SHROOM3: variants seen among roughly 807,000 people sequenced by gnomAD.
SHROOM3 encodes shroom family member 3.
SHROOM3 carries 47 observed loss-of-function variants against 138.6 expected under a neutral mutation model. That is an observed-to-expected ratio of 0.34 (90% confidence interval 0.27 to 0.43). The LOEUF (loss-of-function observed/expected upper bound fraction) is 0.43. SHROOM3 is among the 20% of genes least tolerant of loss of function. The probability of loss-of-function intolerance (pLI) is 1.00; values close to 1 mark genes in which losing one functional copy is unlikely to be tolerated. For missense variants in SHROOM3, 2,491 were observed against 2,596.5 expected (o/e 0.96, Z 0.88); for synonymous variants, 1,062 against 1,063.3 (o/e 1.00, Z 0.02).
intron 1 of SHROOM3, among the ~76,000 whole-genome samples, chr4:76,528,393 G>C (rs1216562018): frequency 7.0e-6 from 1 of 143,688 alleles, no homozygotes; most frequent in Non-Finnish European, 1.5e-5. Flanking sequence ...ATGTTGCCCA[G>C]GATGTACTTG....
chr4:76,672,419 C>CAAAAAAAAAAA (rs35488837), intron 2 of SHROOM3, among the ~76,000 whole-genome samples: 1 of 127,278 alleles, frequency 7.9e-6, no homozygotes, highest in Non-Finnish European at 1.7e-5. Flanking sequence ...AATTAGGGAC[C>CAAAAAAAAAAA]AAAAAAAAAA....
chr4:76,662,877 A>G (rs985536167), intron 2 of SHROOM3, among the ~76,000 whole-genome samples: 1 of 151,256 alleles, frequency 6.6e-6, no homozygotes, highest in African/African-American at 2.4e-5. Flanking sequence ...GCAAGACCCT[A>G]TCTGAGGGAG....
chr4:76,497,626 G>A (rs1442789507), intron 1 of SHROOM3, among the ~76,000 whole-genome samples: 1 of 152,186 alleles, frequency 6.6e-6, no homozygotes, highest in African/African-American at 2.4e-5. Flanking sequence ...GGGAGGCTGA[G>A]GTGGGCAGAT....
intron 2 of SHROOM3, among the ~76,000 whole-genome samples, chr4:76,587,606 TC>T (rs1734181311): frequency 6.6e-6 from 1 of 152,244 alleles, no homozygotes; most frequent in Non-Finnish European, 1.5e-5. Context: ...TCCATTTTTT[TC>T]AGCAGTTAGC....
intron 8 of SHROOM3, among the ~76,000 whole-genome samples, chr4:76,758,811 C>T (rs976339179): frequency 2.0e-5 from 3 of 152,102 alleles, no homozygotes; most frequent in East Asian, 1.9e-4. Context: ...CCAAGAGAAT[C>T]GTACTTCCAT....
At chr4:76,696,531 C>T (rs1191062795) in intron 2 of SHROOM3, among the ~76,000 whole-genome samples, 1 of 152,154 alleles carries the variant, frequency 6.6e-6, no homozygotes, top group African/African-American at 2.4e-5. Context: ...ATCAGGGTTG[C>T]AGTGGGAGGG....
At chr4:76,486,738 A>G (rs1360450029) in intron 1 of SHROOM3, among the ~76,000 whole-genome samples, 2 of 152,124 alleles carry the variant, frequency 1.3e-5, no homozygotes, top group Non-Finnish European at 2.9e-5. Flanking sequence ...TGGTTGTACA[A>G]TCTCAGCCCT....
intron 2 of SHROOM3, among the ~76,000 whole-genome samples, chr4:76,607,069 G>A (rs1346426131): frequency 6.6e-6 from 1 of 151,970 alleles, no homozygotes; most frequent in Non-Finnish European, 1.5e-5. Flanking sequence ...GTGTGCTCAG[G>A]AATATAAAGC....
At chr4:76,535,139 T>C (rs543797850) in intron 1 of SHROOM3, among the ~76,000 whole-genome samples, 1 of 152,340 alleles carries the variant, frequency 6.6e-6, no homozygotes, top group Admixed American at 6.5e-5. Flanking sequence ...TTTATCTTTT[T>C]TGTAGGCCTT....
intron 1 of SHROOM3, among the ~76,000 whole-genome samples, chr4:76,482,713 C>G (rs1359941221): frequency 6.6e-6 from 1 of 152,118 alleles, no homozygotes; most frequent in Non-Finnish European, 1.5e-5. Flanking sequence ...GCAAAAAGAA[C>G]AAAGCTGGAG....
At chr4:76,690,909 A>G (rs1212526584) in intron 2 of SHROOM3, among the ~76,000 whole-genome samples, 1 of 152,312 alleles carries the variant, frequency 6.6e-6, no homozygotes, top group Non-Finnish European at 1.5e-5. Context: ...GGAATTGACA[A>G]GGAAATAAAC....
At position 76,555,772 on chromosome 4, in the gene SHROOM3, C is replaced by A. The variant is rs1733472534; in HGVS notation, c.323+9C>A. 2.5e-6 allele frequency: 4 copies of A among 1,610,942 alleles called. No homozygotes were observed. The Middle Eastern group carries it at 5.0e-4, about 202-fold the overall frequency. On this transcript the variant is annotated intron_variant, in intron 2 of 10. Transcript: ENST00000296043. ...AGGCTGGTAGTGCGCAGGTAGGTGG[C>A]AGACCCCCACCCTGTCCCTCCTACC...
intron 1 of SHROOM3, among the ~76,000 whole-genome samples, chr4:76,437,259 A>C (rs1185383709): frequency 2.0e-5 from 3 of 148,516 alleles, no homozygotes; most frequent in Non-Finnish European, 4.5e-5. Flanking sequence ...TAAGTAAAAC[A>C]AAAGGATGTG....
At chr4:76,614,857 G>A (rs1293527359) in intron 2 of SHROOM3, among the ~76,000 whole-genome samples, 1 of 152,226 alleles carries the variant, frequency 6.6e-6, no homozygotes, top group Admixed American at 6.5e-5. Context: ...CTGGCCTGGG[G>A]TCAGAGAGGC....
Position 76,589,621 on chromosome 4 carries a change from G to T in SHROOM3, c.323+33858G>T, listed in dbSNP as rs534863400. 4.6e-5 allele frequency among the ~76,000 whole-genome samples: 7 copies of T among 152,282 alleles called. No individual in the cohort carries two copies. In the South Asian group the frequency reaches 1.0e-3, roughly 23 times the overall value. ...AGCTATGGCTGCTCAGAAACACTTG[G>T]TTTTTTCCAAGTACCAAAGCTCCCT... On this transcript the variant is annotated intron_variant, in intron 2 of 10. Transcript: ENST00000296043.
intron 1 of SHROOM3, among the ~76,000 whole-genome samples, chr4:76,482,796 A>G (rs754905767): frequency 4.6e-5 from 7 of 152,240 alleles, no homozygotes; most frequent in Non-Finnish European, 7.3e-5. Context: ...TGGTACCAAA[A>G]CAGATACATA....
At chr4:76,522,042 C>T (rs11930137) in intron 1 of SHROOM3, among the ~76,000 whole-genome samples, 188 of 151,644 alleles carry the variant, frequency 1.2e-3, no homozygotes, top group African/African-American at 4.3e-3. Context: ...AACAATTAAA[C>T]TCTTTTAAAA....
intron 1 of SHROOM3, among the ~76,000 whole-genome samples, chr4:76,492,166 G>A (rs556673296): frequency 2.0e-4 from 30 of 152,272 alleles, no homozygotes; most frequent in Admixed American, 1.5e-3. Flanking sequence ...GATACAAACT[G>A]GGCGAAAGAA....
chr4:76,702,120 G>T (rs1340523427), intron 2 of SHROOM3, among the ~76,000 whole-genome samples: 1 of 152,172 alleles, frequency 6.6e-6, no homozygotes, highest in African/African-American at 2.4e-5. Flanking sequence ...AAAGAGTGAT[G>T]TGGAAAAATT....
Sources: allele counts gnomAD v4.1 joint callset (sites outside exome capture counted in the v4.1 genomes callset), GRCh38; gene constraint gnomAD v4.1.1; transcripts MANE v1.5; gene names NCBI Gene and HGNC (gene_info 2026-07-23, HGNC 2026-07-21).